The following BNC2 variants were observed in gnomAD, a reference collection of about 807,000 sequenced individuals.
BNC2 encodes the protein basonuclin zinc finger protein 2.
A neutral mutation model predicts 76.3 loss-of-function variants in BNC2; 20 were observed. That is an observed-to-expected ratio of 0.26 (90% CI 0.18 to 0.38). The LOEUF is 0.38. BNC2 is among the 10% of genes least tolerant of loss of function. The probability of loss-of-function intolerance (pLI) is 1.00; values close to 1 mark genes in which losing one functional copy is unlikely to be tolerated. For synonymous variants in BNC2, 582 were observed against 514.8 expected (o/e 1.13, Z -1.77); for missense variants, 1,382 against 1,399.8 (o/e 0.99, Z 0.20).
At chr9:16,552,462 A>G in intron 5 of BNC2, 68 bp downstream of exon 5, 4 of 1,382,726 alleles carry the variant, frequency 2.9e-6, no homozygotes, top group Non-Finnish European at 3.1e-6. Context: ...GAGGTTTGTC[A>G]AGGACTCTCA....
intron 5 of BNC2, among the ~76,000 whole-genome samples, chr9:16,479,579 T>G (rs1007593488): frequency 2.0e-5 from 3 of 152,232 alleles, no homozygotes; most frequent in Non-Finnish European, 4.4e-5. Context: ...ATTCTACAAT[T>G]AACATTTTAT....
chr9:16,827,706 A>G (rs550584860), intron 1 of BNC2, among the ~76,000 whole-genome samples: 15 of 152,332 alleles, frequency 9.8e-5, no homozygotes, highest in African/African-American at 3.6e-4. Context: ...CTATGTGCAC[A>G]CGTGTGTAAA....
At chr9:16,572,945 A>T (rs2132878715) in intron 4 of BNC2, among the ~76,000 whole-genome samples, 1 of 152,248 alleles carries the variant, frequency 6.6e-6, no homozygotes, top group South Asian at 2.1e-4. Context: ...AATATAATTT[A>T]TGGCCGGGCA....
At chr9:16,791,118 G>C (rs1183472400) in intron 1 of BNC2, among the ~76,000 whole-genome samples, 1 of 151,922 alleles carries the variant, frequency 6.6e-6, no homozygotes. Context: ...CTAGAGTGCA[G>C]TGGCATGATC....
intron 5 of BNC2, among the ~76,000 whole-genome samples, chr9:16,541,064 A>G (rs1818305580): frequency 6.6e-6 from 1 of 152,168 alleles, no homozygotes; most frequent in Non-Finnish European, 1.5e-5. Context: ...TAGAGAGAAA[A>G]GAAATAAACT....
intron 5 of BNC2, among the ~76,000 whole-genome samples, chr9:16,544,069 C>G (rs1818401670): frequency 6.6e-6 from 1 of 152,142 alleles, no homozygotes; most frequent in African/African-American, 2.4e-5. Context: ...TGTTGATAAT[C>G]CAATCTTTAC....
chr9:16,705,951 T>C (rs1823657497), intron 3 of BNC2, among the ~76,000 whole-genome samples: 1 of 152,110 alleles, frequency 6.6e-6, no homozygotes, highest in African/African-American at 2.4e-5. Context: ...AGCAACAATA[T>C]TAGATCAAAA....
intron 1 of BNC2, among the ~76,000 whole-genome samples, chr9:16,843,639 A>G (rs1329717317): frequency 6.6e-6 from 1 of 152,202 alleles, no homozygotes; most frequent in East Asian, 1.9e-4. Context: ...CAGCCTACAT[A>G]TTCTTAAGCT....
intron 5 of BNC2, among the ~76,000 whole-genome samples, chr9:16,508,287 C>T (rs1223676632): frequency 6.6e-6 from 1 of 152,202 alleles, no homozygotes; most frequent in Non-Finnish European, 1.5e-5. Flanking sequence ...TCATCGCGGA[C>T]ATTTCCAACA....
chr9:16,736,002 G>C (rs1824655971), intron 2 of BNC2, among the ~76,000 whole-genome samples: 1 of 151,758 alleles, frequency 6.6e-6, no homozygotes, highest in African/African-American at 2.4e-5. Context: ...GGGAGGCCAA[G>C]GCGGGTGGAT....
At chr9:16,696,267 G>A (rs1346015568) in intron 3 of BNC2, among the ~76,000 whole-genome samples, 1 of 152,092 alleles carries the variant, frequency 6.6e-6, no homozygotes, top group Non-Finnish European at 1.5e-5. Context: ...CTACAATCTA[G>A]CTCTAACCTG....
intron 3 of BNC2, among the ~76,000 whole-genome samples, chr9:16,646,874 T>C (rs1821643447): frequency 6.6e-6 from 1 of 152,176 alleles, no homozygotes; most frequent in Non-Finnish European, 1.5e-5. Flanking sequence ...GAGGGTCTAC[T>C]GGGATGTCAT....
intron 1 of BNC2, among the ~76,000 whole-genome samples, chr9:16,788,979 A>G (rs975079897): frequency 1.3e-5 from 2 of 152,138 alleles, no homozygotes; most frequent in Non-Finnish European, 2.9e-5. Context: ...TTAAATTGTA[A>G]TACAATCAAA....
chr9:16,595,777 G>C (rs188099310), intron 3 of BNC2, among the ~76,000 whole-genome samples: 17 of 151,952 alleles, frequency 1.1e-4, no homozygotes, highest in African/African-American at 4.1e-4. Context: ...AAAACAGACT[G>C]ACTAGCTAAA....
At chr9:16,784,213 G>T (rs1826222097) in intron 1 of BNC2, among the ~76,000 whole-genome samples, 1 of 152,214 alleles carries the variant, frequency 6.6e-6, no homozygotes, top group African/African-American at 2.4e-5. Flanking sequence ...TGCTCACAAT[G>T]TAGCAGGGAA....
chr9:16,586,150 C>T (rs964657244), intron 3 of BNC2, among the ~76,000 whole-genome samples: 1 of 151,968 alleles, frequency 6.6e-6, no homozygotes, highest in Non-Finnish European at 1.5e-5. Context: ...GTACCACATA[C>T]AGCTTGGTCT....
At chr9:16,722,779 C>T (rs1390266575) in intron 3 of BNC2, among the ~76,000 whole-genome samples, 1 of 152,132 alleles carries the variant, frequency 6.6e-6, no homozygotes, top group Non-Finnish European at 1.5e-5. Flanking sequence ...TTTACATGTA[C>T]ATAGAATACC....
chr9:16,719,076 C>A (rs1381211349), intron 3 of BNC2, among the ~76,000 whole-genome samples: 1 of 152,178 alleles, frequency 6.6e-6, no homozygotes, highest in African/African-American at 2.4e-5. Flanking sequence ...AGCTAACTCG[C>A]TGACTCCAAG....
At chr9:16,493,696 C>T (rs1055983644) in intron 5 of BNC2, among the ~76,000 whole-genome samples, 1 of 152,174 alleles carries the variant, frequency 6.6e-6, no homozygotes, top group African/African-American at 2.4e-5. Context: ...AAAAGTAAGG[C>T]ATTCAGGTTG....
Sources: gnomAD v4.1 joint callset for allele counts (sites outside exome capture counted in the v4.1 genomes callset) on GRCh38, gnomAD v4.1.1 for gene constraint, MANE v1.5 for transcripts, NCBI Gene and HGNC (gene_info 2026-07-23, HGNC 2026-07-21) for gene names.